LRP1B: variants seen among roughly 807,000 people sequenced by gnomAD.
LRP1B encodes low-density lipoprotein receptor-related protein 1B.
LRP1B carries 217 observed loss-of-function variants against 556.6 expected under a neutral mutation model. The observed-to-expected ratio is 0.39, with a 90% confidence interval of 0.35 to 0.44. The LOEUF is 0.44. LRP1B is among the 20% of genes least tolerant of loss of function. The probability of loss-of-function intolerance (pLI) is 1.00; values close to 1 mark genes in which losing one functional copy is unlikely to be tolerated. For synonymous variants in LRP1B, 2,047 were observed against 1,865.8 expected, an observed-to-expected ratio of 1.10 and a Z score of -2.50; for missense variants, 5,053 against 5,620.8, an observed-to-expected ratio of 0.90 and a Z score of 3.23.
rs1440866181 is a variant in LRP1B at position 141,032,816 on chromosome 2, T to TAC, written c.1790-12715_1790-12714insGT. On this transcript the variant is annotated intron_variant, in intron 11 of 90. Transcript: ENST00000389484. ...ACGCAGGTATATGTGTGTGTGTATA[T>TAC]ATATACATACATATATATATATATG... 1.9e-4 allele frequency among the ~76,000 whole-genome samples: 28 copies of TAC among 145,542 alleles called. 1 individual carries two copies. Among genetic ancestry groups the TAC allele is most frequent in the East Asian group, 2.1e-4 (1 of 4,766 alleles).
At chr2:141,691,513 A>T (rs1252356513) in intron 2 of LRP1B, among the ~76,000 whole-genome samples, 1 of 98,316 alleles carries the variant, frequency 1.0e-5, no homozygotes, top group African/African-American at 4.3e-5. Context: ...CAGATACCTT[A>T]AGGTCTGCCA....
At chr2:140,269,881 G>GA (rs138472648) in intron 86 of LRP1B, among the ~76,000 whole-genome samples, 4 of 145,442 alleles carry the variant, frequency 2.8e-5, no homozygotes, top group Non-Finnish European at 4.6e-5. Flanking sequence ...AAGTTCTTGT[G>GA]AAAAAAAATG....
intron 3 of LRP1B, among the ~76,000 whole-genome samples, chr2:141,421,453 C>T (rs1333390999): frequency 6.8e-6 from 1 of 146,988 alleles, no homozygotes; most frequent in Admixed American, 6.9e-5. Context: ...GGCGTGAACC[C>T]GGGAGGCGGA....
intron 6 of LRP1B, among the ~76,000 whole-genome samples, chr2:141,200,291 T>C (rs1030664987): frequency 1.4e-4 from 22 of 151,786 alleles, no homozygotes; most frequent in African/African-American, 4.8e-4. Context: ...TGCAGTAACA[T>C]GAATGGAGCT....
chr2:141,032,826 C>CATACATACATATATATAT, intron 11 of LRP1B, among the ~76,000 whole-genome samples: 18 of 126,644 alleles, frequency 1.4e-4, no homozygotes, highest in African/African-American at 3.3e-4. Flanking sequence ...TATATACATA[C>CATACATACATATATATAT]ATATATATAT....
intron 2 of LRP1B, among the ~76,000 whole-genome samples, chr2:141,754,554 G>A (rs7558387): frequency 0.039 from 5,895 of 152,126 alleles, 359 homozygotes; most frequent in African/African-American, 0.13. Flanking sequence ...CAACATATAG[G>A]TATGTGTATG....
intron 3 of LRP1B, among the ~76,000 whole-genome samples, chr2:141,468,319 G>A (rs953825629): frequency 1.3e-5 from 2 of 152,098 alleles, no homozygotes; most frequent in Non-Finnish European, 2.9e-5. Context: ...ATCTTACACT[G>A]GTTTTGAAAA....
At chr2:142,050,862 C>T (rs1435178150) in intron 1 of LRP1B, among the ~76,000 whole-genome samples, 1 of 152,136 alleles carries the variant, frequency 6.6e-6, no homozygotes, top group East Asian at 1.9e-4. Context: ...CATTCTACCT[C>T]ATTCATATTA....
intron 7 of LRP1B, among the ~76,000 whole-genome samples, chr2:141,170,535 A>G (rs987618340): frequency 2.6e-5 from 4 of 152,240 alleles, no homozygotes; most frequent in African/African-American, 9.6e-5. Context: ...TTAAAAATTG[A>G]GAGTCAGTAT....
At chr2:140,364,879 G>C (rs2105152583) in intron 71 of LRP1B, 96 bp from the exon 72 acceptor site, 3 of 1,019,462 alleles carry the variant, frequency 2.9e-6, no homozygotes, top group Non-Finnish European at 2.9e-6. Flanking sequence ...ACAGTATCTA[G>C]TTGACTGCTT....
intron 1 of LRP1B, among the ~76,000 whole-genome samples, chr2:141,859,025 T>C (rs1163746452): frequency 6.6e-6 from 1 of 151,534 alleles, no homozygotes; most frequent in Non-Finnish European, 1.5e-5. Context: ...GGTTGTCCTC[T>C]CTTTCCCCCT....
intron 27 of LRP1B, among the ~76,000 whole-genome samples, chr2:140,856,244 C>T (rs1198013980): frequency 6.6e-6 from 1 of 152,198 alleles, no homozygotes; most frequent in African/African-American, 2.4e-5. Context: ...CCTAGAATTT[C>T]ATCATCAGTA....
At chr2:141,758,596 C>G (rs1179765433) in intron 2 of LRP1B, among the ~76,000 whole-genome samples, 1 of 151,850 alleles carries the variant, frequency 6.6e-6, no homozygotes, top group Non-Finnish European at 1.5e-5. Context: ...AATGATTTAA[C>G]AAGGTATGTA....
intron 21 of LRP1B, among the ~76,000 whole-genome samples, chr2:140,919,706 A>G (rs886246584): frequency 3.3e-5 from 5 of 152,038 alleles, no homozygotes; most frequent in Admixed American, 6.6e-5. Context: ...TCAGAGATAC[A>G]TATTTTTTGT....
chr2:140,386,071 C>A (rs1328908366), intron 66 of LRP1B, 62 bp from the exon 67 acceptor site: 1 of 972,870 alleles, frequency 1.0e-6, no homozygotes, highest in Non-Finnish European at 1.6e-6. Flanking sequence ...CTCACAACGT[C>A]CTCACTGCCA....
rs149211010 is a variant in LRP1B, at chr2:141,755,771, T to C, written c.205+54508A>G. 2.5e-4 allele frequency among the ~76,000 whole-genome samples: 38 copies of C among 152,138 alleles called. 1 individual carries two copies. Among genetic ancestry groups the C allele is most frequent in the Admixed American group, 1.5e-3 (23 of 15,278 alleles). ...CAACAAATTGGAATATCCAGATATA[T>C]GTAACTGGCTGAATAACCCCTACTC... On this transcript the variant is annotated intron_variant, in intron 2 of 90. Transcript: ENST00000389484.
chr2:141,217,297 T>C (rs1682853420), intron 6 of LRP1B, among the ~76,000 whole-genome samples: 1 of 152,162 alleles, frequency 6.6e-6, no homozygotes, highest in Non-Finnish European at 1.5e-5. Flanking sequence ...GTAGGTTCAT[T>C]TTCTCATCTA....
chr2:141,657,376 A>C (rs1401401621), intron 2 of LRP1B, among the ~76,000 whole-genome samples: 1 of 152,100 alleles, frequency 6.6e-6, no homozygotes, highest in Non-Finnish European at 1.5e-5. Flanking sequence ...GGATCAAATA[A>C]ATTTTATTCT....
intron 37 of LRP1B, among the ~76,000 whole-genome samples, chr2:140,707,486 C>T (rs1160337167): frequency 6.6e-6 from 1 of 152,086 alleles, no homozygotes; most frequent in African/African-American, 2.4e-5. Context: ...TTTAACTTGA[C>T]AAAAGCTGCT....
Sources: allele counts gnomAD v4.1 joint callset (sites outside exome capture counted in the v4.1 genomes callset), GRCh38; gene constraint gnomAD v4.1.1; transcripts MANE v1.5; gene names NCBI Gene and HGNC (gene_info 2026-07-23, HGNC 2026-07-21).